The following FBH1 variants were observed in gnomAD, a reference collection of about 807,000 sequenced individuals.
FBH1 encodes the protein DNA 3'-5' helicase 1.
FBH1 carries 43 observed loss-of-function variants against 115.5 expected under a neutral mutation model. The observed-to-expected ratio is 0.37, with a 90% CI of 0.29 to 0.48. The LOEUF (loss-of-function observed/expected upper bound fraction) is 0.48. FBH1 is among the 20% of genes least tolerant of loss of function. The pLI, the probability that FBH1 is intolerant of heterozygous loss-of-function variation, is 0.99. For missense variants in FBH1, 1,001 were observed against 1,337.3 expected (o/e 0.75, Z 3.92); for synonymous variants, 524 against 507.8 (o/e 1.03, Z -0.43).
Position 5,914,361 on chromosome 10 carries a change from C to G in FBH1, c.1396+92C>G, listed in dbSNP as rs994197227. ...CGCTACCTGCCAGGGCATCTTTGCT[C>G]TGATCTGTCATCCAACTAATAATTC... On this transcript the variant is annotated intron_variant, in intron 8 of 20. Transcript: ENST00000362091. This position sits in a 1 kb window ranked among gnomAD's most constrained non-coding sequence, Gnocchi z 5.2. The G allele has an allele frequency of 1.9e-5, 20 of 1,044,662 alleles. No individual in the cohort carries two copies. The highest frequency in any genetic ancestry group is 2.8e-5 in the Non-Finnish European group (19 of 669,760). The allele number at this position is 1,044,662 out of a possible 1,614,324, so 64.7% of individuals were successfully genotyped here.
Position 5,918,593 on chromosome 10 carries a change from A to C in FBH1, c.2100+115A>C, listed in dbSNP as rs1290289211. ...CAGATCTAGCAAATCCTTGCTTCTA[A>C]GCCATGGTTCTCAAAGTGTGGTTCT... On this transcript the variant is annotated intron_variant, in intron 13 of 20. Coordinates refer to ENST00000362091, the MANE Select transcript of FBH1 (RefSeq NM_178150.3). The surrounding 1 kb of genome is among the most constrained non-coding windows in gnomAD (Gnocchi z 4.0). 7.6e-7 allele frequency: 1 copy of C among 1,319,064 alleles called. No individual in the cohort carries two copies. Among genetic ancestry groups the C allele is most frequent in the African/African-American group, 1.5e-5 (1 of 65,776 alleles). The allele number at this position is 1,319,064 out of a possible 1,614,324, so 81.7% of individuals were successfully genotyped here. A position where few individuals can be genotyped will look rare whatever the true frequency, so the allele number is the denominator to read the frequency against.
intron 9 of FBH1, 80 bp from the exon 10 acceptor site, chr10:5,916,154 C>A: frequency 7.9e-7 from 1 of 1,259,078 alleles, no homozygotes; most frequent in Non-Finnish European, 1.1e-6. Context: ...CTCCTGGTGA[C>A]ATTAGAGAGA....
At chr10:5,891,338 ATTG>A (rs1422157597) in intron 1 of FBH1, among the ~76,000 whole-genome samples, 1 of 152,212 alleles carries the variant, frequency 6.6e-6, no homozygotes, top group African/African-American at 2.4e-5. Context: ...TGCTCAGGTT[ATTG>A]TTCTGTCGTG....
At chr10:5,908,689 C>T (rs1217634673) in intron 3 of FBH1, among the ~76,000 whole-genome samples, 2 of 151,984 alleles carry the variant, frequency 1.3e-5, no homozygotes, top group Non-Finnish European at 2.9e-5. Flanking sequence ...TCACTGCAAC[C>T]TCCGCCTCCC....
Position 5,933,903 on chromosome 10 carries a change from C to T in FBH1, c.2830-2553C>T, listed in dbSNP as rs956277395. On this transcript the variant is annotated intron_variant, in intron 19 of 20. Coordinates refer to ENST00000362091, the MANE Select transcript of FBH1 (RefSeq NM_178150.3). The surrounding 1 kb of genome is among the most constrained non-coding windows in gnomAD (Gnocchi z 4.9). ...CTGACTTGAAGTGATCCACTCGCCTCGGCCTCCCAAAGTGTTGGGATTATA... is the reference window on the plus strand; with the variant it reads ...CTGACTTGAAGTGATCCACTCGCCTTGGCCTCCCAAAGTGTTGGGATTATA... Among the ~76,000 whole-genome samples, 11 of 152,114 alleles carry T rather than the reference C, an allele frequency of 7.2e-5. No individual in the cohort carries two copies. The highest frequency in any genetic ancestry group is 4.1e-4 in the South Asian group (2 of 4,826).
rs371870035 is a variant in FBH1 at position 5,905,519 on chromosome 10, AAAAT to A, written c.158-508_158-505del. Among the ~76,000 whole-genome samples the A allele has an allele frequency of 4.7e-3, 714 of 152,348 alleles. 11 individuals carry two copies. The highest frequency in any genetic ancestry group is 0.016 in the African/African-American group (653 of 41,574). On this transcript the variant is annotated intron_variant, in intron 2 of 20. Transcript: ENST00000362091. ...GGCGACAGAGTGGGATTCCATCTAA[AAAAT>A]AAATAAATACATAAATAAAAAAGAA...
chr10:5,937,455 C>T lies in FBH1; in HGVS notation c.*175C>T. ...CATTTCTCCACTCCCTACAGACAGCCAGTCTCCACTTGCCTCCCCTCTGGA... is the reference window on the plus strand; with the variant it reads ...CATTTCTCCACTCCCTACAGACAGCTAGTCTCCACTTGCCTCCCCTCTGGA... On this transcript the variant is annotated 3_prime_UTR_variant, in exon 21 of 21. Transcript: ENST00000362091. 1.8e-6 allele frequency: 1 copy of T among 549,536 alleles called. No homozygotes were observed. The highest frequency in any genetic ancestry group is 4.2e-5 in the Admixed American group (1 of 23,676). 34.0% of individuals were successfully genotyped at this position (549,536 alleles called of 1,614,324 possible). A position where few individuals can be genotyped will look rare whatever the true frequency, so the allele number is the denominator to read the frequency against.
In FBH1 at chr10:5,910,039, T is replaced by C. The variant is rs1258217296; in HGVS notation, c.1020+745T>C. Among the ~76,000 whole-genome samples, 3 of 152,174 alleles carry C rather than the reference T, an allele frequency of 2.0e-5. No homozygotes were observed. The highest frequency in any genetic ancestry group is 7.2e-5 in the African/African-American group (3 of 41,450). ...GCTCACGCCTGTTATCCCAGCACTT[T>C]GTGAGGCCAAGGCGGGTGGATCACC... On this transcript the variant is annotated intron_variant, in intron 5 of 20. Coordinates refer to ENST00000362091, the MANE Select transcript of FBH1 (RefSeq NM_178150.3). The surrounding 1 kb of genome is among the most constrained non-coding windows in gnomAD (Gnocchi z 4.8).
intron 2 of FBH1, among the ~76,000 whole-genome samples, chr10:5,903,472 A>G (rs1219130148): frequency 1.4e-5 from 2 of 145,374 alleles, no homozygotes; most frequent in African/African-American, 5.2e-5. Context: ...CTGGGATTGC[A>G]GGTGCGTGCC....
intron 1 of FBH1, chr10:5,894,646 C>G: frequency 1.4e-6 from 1 of 707,206 alleles, no homozygotes; most frequent in South Asian, 1.5e-5. Flanking sequence ...AGCTTCAAAG[C>G]CAAGGAAGAC....
At position 5,923,775 on chromosome 10, in the gene FBH1, AGTCAGGGACCC is replaced by A; in HGVS notation, c.2398+82_2398+92del. On this transcript the variant is annotated intron_variant, in intron 16 of 20. Transcript: ENST00000362091. The surrounding 1 kb of genome is among the most constrained non-coding windows in gnomAD (Gnocchi z 5.7). The stretch of plus-strand genomic sequence containing the variant: ...ACGAGAAAGAAGCAGGCCCAGTCTG[AGTCAGGGACCC>A]GTTTCCCTCCAGAGAAGGGCGAGCT... 1 of 1,342,698 alleles carries A rather than the reference AGTCAGGGACCC, an allele frequency of 7.4e-7. No individual in the cohort carries two copies. Among genetic ancestry groups the A allele is most frequent in the South Asian group, 1.2e-5 (1 of 81,600 alleles). The allele number at this position is 1,342,698 out of a possible 1,614,324, so 83.2% of individuals were successfully genotyped here.
chr10:5,891,184 G>T, intron 1 of FBH1: 1 of 985,868 alleles, frequency 1.0e-6, no homozygotes, highest in Non-Finnish European at 1.2e-6. Context: ...TGCCGCTGTG[G>T]TAAAATGAGC....
chr10:5,908,323 T>C (rs548382686), intron 3 of FBH1, among the ~76,000 whole-genome samples: 1 of 152,348 alleles, frequency 6.6e-6, no homozygotes, highest in South Asian at 2.1e-4. Context: ...TGTCTGATAT[T>C]AGTATAGCCA....
chr10:5,909,056 G>C lies in FBH1; in HGVS notation c.884+1G>C, dbSNP rs112403730. On this transcript the variant is annotated splice_donor_variant, in intron 4 of 20. Coordinates refer to ENST00000362091, the MANE Select transcript of FBH1 (RefSeq NM_178150.3). LOFTEE classifies it high-confidence loss of function. The surrounding 1 kb of genome is among the most constrained non-coding windows in gnomAD (Gnocchi z 4.4). ...ACCTGTGTGTGCTGAACCTCATACG[G>C]TGAGCTTTGCCTGTGCTGTAAAGAA... 1 of 1,614,022 alleles carries C rather than the reference G, an allele frequency of 6.2e-7. No homozygotes were observed. Among genetic ancestry groups the C allele is most frequent in the African/African-American group, 1.3e-5 (1 of 74,932 alleles).
chr10:5,913,921 C>T lies in FBH1; in HGVS notation c.1304+82C>T. ...TTAAGGAGGGAGATGTTTTGCTTCA[C>T]TTTAGCAACATCATTGAGGTTAATA... On this transcript the variant is annotated intron_variant, in intron 7 of 20. Coordinates refer to ENST00000362091, the MANE Select transcript of FBH1 (RefSeq NM_178150.3). The surrounding 1 kb of genome is among the most constrained non-coding windows in gnomAD (Gnocchi z 4.4). 1 of 1,103,134 alleles carries T rather than the reference C, an allele frequency of 9.1e-7. No homozygotes were observed. Among genetic ancestry groups the T allele is most frequent in the Non-Finnish European group, 1.3e-6 (1 of 745,634 alleles). The allele number at this position is 1,103,134 out of a possible 1,614,324, so 68.3% of individuals were successfully genotyped here. A position where few individuals can be genotyped will look rare whatever the true frequency, so the allele number is the denominator to read the frequency against.
At position 5,915,911 on chromosome 10, in the gene FBH1, CA is replaced by C. The variant is rs1831898223; in HGVS notation, c.1566-322del. On this transcript the variant is annotated intron_variant, in intron 9 of 20. Transcript: ENST00000362091. The surrounding 1 kb of genome is among the most constrained non-coding windows in gnomAD (Gnocchi z 5.2). The stretch of plus-strand genomic sequence containing the variant: ...GGGAGTGAGGAAGACTCAGCCGAGG[CA>C]CACTTGACCCAGGTCTCCTGGATGT... 1 of 463,572 alleles carries C rather than the reference CA, an allele frequency of 2.2e-6. No homozygotes were observed. The highest frequency in any genetic ancestry group is 3.9e-6 in the Non-Finnish European group (1 of 257,504). The allele number at this position is 463,572 out of a possible 1,614,324, so 28.7% of individuals were successfully genotyped here. A position where few individuals can be genotyped will look rare whatever the true frequency, so the allele number is the denominator to read the frequency against.
In FBH1 at chr10:5,910,873, T is replaced by C. The variant is rs1446328079; in HGVS notation, c.1021-65T>C. On this transcript the variant is annotated intron_variant, in intron 5 of 20. Transcript: ENST00000362091. The surrounding 1 kb of genome is among the most constrained non-coding windows in gnomAD (Gnocchi z 4.8). ...TGGCTCGGCTTTCCTGACTCCTTCC[T>C]GCTGTGATTCGTATTAACCATGGCC... The C allele has an allele frequency of 6.2e-6, 9 of 1,443,170 alleles. No homozygotes were observed. Among genetic ancestry groups the C allele is most frequent in the Non-Finnish European group, 8.5e-6 (9 of 1,063,550 alleles). 89.4% of individuals were successfully genotyped at this position (1,443,170 alleles called of 1,614,324 possible).
chr10:5,896,522 A>G (rs1215253252), intron 1 of FBH1, among the ~76,000 whole-genome samples: 2 of 152,206 alleles, frequency 1.3e-5, no homozygotes, highest in Non-Finnish European at 2.9e-5. Flanking sequence ...TTCATTTGAC[A>G]AAATGGTTTG....
At chr10:5,903,521 G>C (rs1843498201) in intron 2 of FBH1, among the ~76,000 whole-genome samples, 1 of 151,892 alleles carries the variant, frequency 6.6e-6, no homozygotes, top group South Asian at 2.1e-4. Flanking sequence ...TAGAGACGGG[G>C]TTTCTCCATG....
Sources: allele counts gnomAD v4.1 joint callset (sites outside exome capture counted in the v4.1 genomes callset), GRCh38; gene constraint gnomAD v4.1.1; non-coding constraint Gnocchi (gnomAD v3.1); transcripts MANE v1.5; gene names NCBI Gene and HGNC (gene_info 2026-07-23, HGNC 2026-07-21).